The following ANKRD45 variants were observed in gnomAD, a reference collection of about 807,000 sequenced individuals.
ANKRD45 encodes ankyrin repeat domain 45.
In ANKRD45, 21 loss-of-function variants were observed where a neutral mutation model predicts 28.1. That is an observed-to-expected ratio of 0.75 (90% confidence interval 0.53 to 1.08). The LOEUF (loss-of-function observed/expected upper bound fraction) is 1.08, where lower values mean the gene tolerates loss of function less well. ANKRD45 is among the 50% of genes least tolerant of loss of function. ANKRD45 has a pLI of 0.00. For synonymous variants in ANKRD45, 86 were observed against 103.9 expected, an observed-to-expected ratio of 0.83 and a Z score of 1.05; for missense variants, 261 against 308.7, an observed-to-expected ratio of 0.85 and a Z score of 1.16.
At position 173,613,388 on chromosome 1, in the gene ANKRD45, C is replaced by T. The variant is rs568558753; in HGVS notation, c.731-3173G>A. Among the ~76,000 whole-genome samples, 288 of 151,506 alleles carry T rather than the reference C, an allele frequency of 1.9e-3. 1 individual carries two copies. The highest frequency in any genetic ancestry group is 5.8e-3 in the Admixed American group (89 of 15,256). On this transcript the variant is annotated intron_variant, in intron 5 of 5. Coordinates refer to ENST00000333279, the MANE Select transcript of ANKRD45 (RefSeq NM_198493.3). ...CCGTCTGAGAAGTGAGGAGCCCCTCCGCCTGGCAGCTGCCCCGTCTGGGAA... is the reference window on the plus strand; with the variant it reads ...CCGTCTGAGAAGTGAGGAGCCCCTCTGCCTGGCAGCTGCCCCGTCTGGGAA...
the ANKRD45 span, among the ~76,000 whole-genome samples, chr1:173,713,996 T>C: frequency 1.3e-5 from 2 of 152,320 alleles, no homozygotes; most frequent in South Asian, 4.1e-4. Context: ...GGCCACTATA[T>C]CTGGATCTAA....
At chr1:173,626,238 C>A (rs1222763641) in intron 4 of ANKRD45, among the ~76,000 whole-genome samples, 2 of 152,166 alleles carry the variant, frequency 1.3e-5, no homozygotes, top group Admixed American at 6.5e-5. Flanking sequence ...ATTCACAGAG[C>A]ATCCTGCACA....
chr1:173,642,631 C>A (rs545044665), intron 3 of ANKRD45, among the ~76,000 whole-genome samples: 2 of 152,322 alleles, frequency 1.3e-5, no homozygotes, highest in Admixed American at 6.5e-5. Flanking sequence ...ACATTTTAGC[C>A]TAGATATTTG....
At chr1:173,671,534 A>G, upstream of ANKRD45, among the ~76,000 whole-genome samples, 1 of 152,142 alleles carries the variant, frequency 6.6e-6, no homozygotes, top group East Asian at 1.9e-4. Context: ...CAAGAGAAGA[A>G]TCAGGGGAGA....
chr1:173,613,461 G>T (rs1345854449), intron 5 of ANKRD45, among the ~76,000 whole-genome samples: 1 of 151,558 alleles, frequency 6.6e-6, no homozygotes, highest in Non-Finnish European at 1.5e-5. Flanking sequence ...GAGGGAGGTG[G>T]GGGGCAGCCC....
intron 4 of ANKRD45, among the ~76,000 whole-genome samples, chr1:173,625,365 T>C (rs1571703666): frequency 6.6e-6 from 1 of 152,040 alleles, no homozygotes; most frequent in Non-Finnish European, 1.5e-5. Flanking sequence ...ATGGTATGAG[T>C]TGCATGCAAC....
chr1:173,661,287 T>C (rs1669765111), intron 1 of ANKRD45, among the ~76,000 whole-genome samples: 1 of 152,124 alleles, frequency 6.6e-6, no homozygotes, highest in African/African-American at 2.4e-5. Context: ...AGCTGAGCCA[T>C]CAAGAATGGG....
At chr1:173,616,471 C>T (rs1253731423) in intron 5 of ANKRD45, among the ~76,000 whole-genome samples, 2 of 151,952 alleles carry the variant, frequency 1.3e-5, no homozygotes, top group African/African-American at 2.4e-5. Flanking sequence ...AGGTAAAACT[C>T]GAAAGTTAGA....
intron 2 of ANKRD45, among the ~76,000 whole-genome samples, chr1:173,654,846 T>C (rs954141655): frequency 6.6e-6 from 1 of 152,222 alleles, no homozygotes; most frequent in Non-Finnish European, 1.5e-5. Context: ...TTCATTAATT[T>C]GATCTTCAAT....
intron 3 of ANKRD45, among the ~76,000 whole-genome samples, chr1:173,633,031 A>G (rs1403188836): frequency 6.6e-6 from 1 of 152,062 alleles, no homozygotes; most frequent in Non-Finnish European, 1.5e-5. Context: ...AGGGCATCCA[A>G]ATTGGAAAGG....
At chr1:173,627,238 C>T in intron 3 of ANKRD45, 79 bp from the exon 4 acceptor site, 1 of 883,082 alleles carries the variant, frequency 1.1e-6, no homozygotes, top group South Asian at 1.5e-5. Flanking sequence ...GAAGCCTCCA[C>T]TGTCCACCCC....
the ANKRD45 span, among the ~76,000 whole-genome samples, chr1:173,704,105 G>C: frequency 6.6e-6 from 1 of 152,186 alleles, no homozygotes; most frequent in Admixed American, 6.5e-5. Context: ...TCCCGCGGTG[G>C]GGAGGCCTTT....
the ANKRD45 span, among the ~76,000 whole-genome samples, chr1:173,693,305 AG>A: frequency 3.3e-5 from 5 of 152,142 alleles, no homozygotes; most frequent in African/African-American, 1.2e-4. Context: ...AAAAAAAAAA[AG>A]AATTTCTTGT....
chr1:173,643,799 A>C (rs1668806318), intron 3 of ANKRD45, among the ~76,000 whole-genome samples: 1 of 152,204 alleles, frequency 6.6e-6, no homozygotes, highest in Admixed American at 6.5e-5. Flanking sequence ...AAGGAGGAAA[A>C]AAACTTTTCA....
At chr1:173,626,565 C>T (rs189569825) in intron 4 of ANKRD45, among the ~76,000 whole-genome samples, 42 of 152,202 alleles carry the variant, frequency 2.8e-4, no homozygotes, top group African/African-American at 9.4e-4. Context: ...CCCTACCAGT[C>T]CAGAACCAGA....
the ANKRD45 span, among the ~76,000 whole-genome samples, chr1:173,696,772 T>C: frequency 2.6e-5 from 4 of 152,168 alleles, no homozygotes; most frequent in Non-Finnish European, 5.9e-5. Flanking sequence ...TTTGGTTTCA[T>C]ATGAATTTAA....
chr1:173,677,188 A>C, the ANKRD45 span, among the ~76,000 whole-genome samples: 1 of 151,866 alleles, frequency 6.6e-6, no homozygotes, highest in African/African-American at 2.4e-5. Context: ...GATTTTAAAA[A>C]AAAAAAGGTG....
chr1:173,674,928 T>C, the ANKRD45 span, among the ~76,000 whole-genome samples: 1 of 152,194 alleles, frequency 6.6e-6, no homozygotes, highest in Non-Finnish European at 1.5e-5. Flanking sequence ...TTGTCTGATC[T>C]CTTATGGCTA....
chr1:173,681,188 A>G, the ANKRD45 span, among the ~76,000 whole-genome samples: 1 of 152,330 alleles, frequency 6.6e-6, no homozygotes, highest in Admixed American at 6.5e-5. Flanking sequence ...TAAAAAAATT[A>G]GAATATCATA....
Sources: gnomAD v4.1 joint callset for allele counts (sites outside exome capture counted in the v4.1 genomes callset) on GRCh38, gnomAD v4.1.1 for gene constraint, MANE v1.5 for transcripts, NCBI Gene and HGNC (gene_info 2026-07-23, HGNC 2026-07-21) for gene names.